Variants in UCK2 observed in about 807,000 individuals in gnomAD.
UCK2 encodes the protein uridine-cytidine kinase 2, also known as cytidine monophosphokinase 2.
In UCK2, 6 loss-of-function variants were observed where a neutral mutation model predicts 30.8. The ratio of observed to expected loss-of-function variants is 0.19; its 90% CI spans 0.11 to 0.38. The LOEUF is 0.38. Among genes scored for constraint, UCK2 ranks in the 10% least tolerant of loss-of-function variants. UCK2 has a pLI of 1.00. For missense variants in UCK2, 210 were observed against 339.8 expected (o/e 0.62, Z 3.00); for synonymous variants, 125 against 133.6 (o/e 0.94, Z 0.45).
At chr1:165,904,373 A>G (rs937967574) in intron 5 of UCK2, among the ~76,000 whole-genome samples, 87 of 152,262 alleles carry the variant, frequency 5.7e-4, no homozygotes, top group African/African-American at 2.0e-3. Flanking sequence ...ATTGCCCTGG[A>G]GACTATTGAG....
intron 2 of UCK2, 115 bp downstream of exon 2, chr1:165,890,478 G>T: frequency 9.6e-7 from 1 of 1,045,510 alleles, no homozygotes; most frequent in South Asian, 1.5e-5. Context: ...TATCTAGAAC[G>T]TAGGGACTTG....
At position 165,849,246 on chromosome 1, in the gene UCK2, G is replaced by A. The variant is rs182268131; in HGVS notation, c.99+21314G>A. Among the ~76,000 whole-genome samples the A allele has an allele frequency of 2.1e-3, 315 of 152,308 alleles. 4 individuals carry two copies. Among genetic ancestry groups the A allele is most frequent in the African/African-American group, 7.4e-3 (309 of 41,556 alleles). Reference sequence around the variant, plus strand: ...GGCAGAGCATAAGGATAAAGGGGGAGTTGTGGTTTTGTGGATCTCAGGTGT... The same window carrying A: ...GGCAGAGCATAAGGATAAAGGGGGAATTGTGGTTTTGTGGATCTCAGGTGT... On this transcript the variant is annotated intron_variant, in intron 1 of 6. Coordinates refer to ENST00000367879, the MANE Select transcript of UCK2 (RefSeq NM_012474.5).
chr1:165,890,396 T>C, intron 2 of UCK2, 33 bp downstream of exon 2: 1 of 1,601,268 alleles, frequency 6.2e-7, no homozygotes, highest in Non-Finnish European at 8.5e-7. Context: ...TATGTATCTG[T>C]ATTGGTGTGT....
At chr1:165,863,953 A>G (rs1654982865) in intron 1 of UCK2, among the ~76,000 whole-genome samples, 1 of 152,192 alleles carries the variant, frequency 6.6e-6, no homozygotes, top group Non-Finnish European at 1.5e-5. Flanking sequence ...GTAGTTTTTT[A>G]GTAGTTCCTG....
chr1:165,891,125 G>C, intron 2 of UCK2, 101 bp from the exon 3 acceptor site: 1 of 1,022,664 alleles, frequency 9.8e-7, no homozygotes, highest in South Asian at 1.5e-5. Flanking sequence ...CCTTTAAAGT[G>C]TGATGTGCCC....
chr1:165,869,454 G>T (rs1655139406), intron 1 of UCK2, among the ~76,000 whole-genome samples: 1 of 151,966 alleles, frequency 6.6e-6, no homozygotes, highest in Non-Finnish European at 1.5e-5. Flanking sequence ...AAATGGTATT[G>T]CTGGGTCATA....
chr1:165,868,744 C>T (rs535228851), intron 1 of UCK2, among the ~76,000 whole-genome samples: 31 of 152,250 alleles, frequency 2.0e-4, no homozygotes, highest in Admixed American at 1.8e-3. Context: ...AAACTTTCTT[C>T]GTATCAGTAA....
At chr1:165,890,100 G>T in intron 1 of UCK2, 104 bp from the exon 2 acceptor site, 1 of 1,291,916 alleles carries the variant, frequency 7.7e-7, no homozygotes, top group Non-Finnish European at 1.1e-6. Flanking sequence ...TCCTTCCAGA[G>T]CCCCTTCTTG....
chr1:165,836,200 C>CCTG lies in UCK2; in HGVS notation c.99+8269_99+8271dup, dbSNP rs562799516. Among the ~76,000 whole-genome samples, 583 of 151,604 alleles carry CCTG rather than the reference C, an allele frequency of 3.8e-3. 7 individuals carry two copies. Among genetic ancestry groups the CCTG allele is most frequent in the African/African-American group, 0.012 (499 of 40,980 alleles). ...CTGAGATTGCACCACTACACTCCAG[C>CCTG]CTGGGCGACAAGAGCAAGACTCCGT... On this transcript the variant is annotated intron_variant, in intron 1 of 6. Transcript: ENST00000367879.
intron 3 of UCK2, chr1:165,892,790 T>A (rs540592200): frequency 1.3e-5 from 2 of 151,788 alleles, no homozygotes; most frequent in South Asian, 4.2e-4. Context: ...ATGGAGGAGG[T>A]GATATTTAAG....
At chr1:165,895,736 C>A in intron 3 of UCK2, 2 of 796,910 alleles carry the variant, frequency 2.5e-6, no homozygotes, top group Non-Finnish European at 3.0e-6. Context: ...TCAGGACTGG[C>A]GGGGAGGGGA....
At chr1:165,839,802 G>A (rs752675251) in intron 1 of UCK2, among the ~76,000 whole-genome samples, 10 of 152,188 alleles carry the variant, frequency 6.6e-5, no homozygotes, top group Non-Finnish European at 8.8e-5. Context: ...AGGGTTAAAC[G>A]ATAAAATGTA....
At chr1:165,848,507 C>T (rs1316985398) in intron 1 of UCK2, among the ~76,000 whole-genome samples, 3 of 152,170 alleles carry the variant, frequency 2.0e-5, no homozygotes, top group Non-Finnish European at 4.4e-5. Context: ...TGGCGTGTGT[C>T]TGTAATCCCA....
intron 1 of UCK2, among the ~76,000 whole-genome samples, chr1:165,887,709 G>A (rs1655652203): frequency 6.6e-6 from 1 of 152,114 alleles, no homozygotes; most frequent in African/African-American, 2.4e-5. Context: ...GGAGGAAAAG[G>A]AAATTGAGGG....
chr1:165,902,619 T>TG (rs55732180), intron 4 of UCK2: 1 of 128,408 alleles, frequency 7.8e-6, no homozygotes, highest in African/African-American at 2.8e-5. Context: ...TTTTTTTTTT[T>TG]GGCAAACCTC....
chr1:165,880,554 G>GT (rs372981833), intron 1 of UCK2, among the ~76,000 whole-genome samples: 2 of 97,134 alleles, frequency 2.1e-5, no homozygotes, highest in Non-Finnish European at 4.6e-5. Flanking sequence ...GATCCATTCA[G>GT]TTTTTTTTGG....
rs117846943 is a variant in UCK2, at chr1:165,857,079, G to A, written c.99+29147G>A. Among the ~76,000 whole-genome samples the A allele has an allele frequency of 7.2e-5, 11 of 152,140 alleles. No individual in the cohort carries two copies. In the East Asian group the frequency reaches 1.2e-3, roughly 16 times the overall value. On this transcript the variant is annotated intron_variant, in intron 1 of 6. Transcript: ENST00000367879. ...CTAGAATCTTCACATCTGCTTTCTC[G>A]AGTGACCTTGAGTCAACCACAGTCT...
rs76061232 is a variant in UCK2, at chr1:165,899,468, A to C, written c.499+3136A>C. The stretch of plus-strand genomic sequence containing the variant: ...TTACTATAGAGTAGCACATTTCCTC[A>C]TCAGATTTTTAAAGTGATTGACTTC... On this transcript the variant is annotated intron_variant, in intron 4 of 6. Coordinates refer to ENST00000367879, the MANE Select transcript of UCK2 (RefSeq NM_012474.5). Among the ~76,000 whole-genome samples the C allele has an allele frequency of 8.9e-3, 1,353 of 152,190 alleles. 36 individuals carry two copies. The highest frequency in any genetic ancestry group is 0.057 in the Admixed American group (871 of 15,288).
chr1:165,881,686 C>G (rs924132613), intron 1 of UCK2, among the ~76,000 whole-genome samples: 2 of 152,160 alleles, frequency 1.3e-5, no homozygotes, highest in East Asian at 3.8e-4. Context: ...AGAATAGTTC[C>G]TGACATATAG....
Sources: gnomAD v4.1 joint callset for allele counts (sites outside exome capture counted in the v4.1 genomes callset) on GRCh38, gnomAD v4.1.1 for gene constraint, MANE v1.5 for transcripts, NCBI Gene and HGNC (gene_info 2026-07-23, HGNC 2026-07-21) for gene names.